DHRSX: variants seen among roughly 807,000 people sequenced by gnomAD.
The protein encoded by DHRSX is dehydrogenase/reductase X-linked.
A neutral mutation model predicts 34.0 loss-of-function variants in DHRSX; 31 were observed. The ratio of observed to expected loss-of-function variants is 0.91; its 90% CI spans 0.69 to 1.23. The LOEUF (loss-of-function observed/expected upper bound fraction) is 1.23. Ranked by LOEUF, DHRSX falls within the 50% of genes most tolerant of loss-of-function variation. The probability of loss-of-function intolerance (pLI) is 0.00; values close to 1 mark genes in which losing one functional copy is unlikely to be tolerated. For missense variants in DHRSX, 414 were observed against 428.1 expected, an observed-to-expected ratio of 0.97 and a Z score of 0.29; for synonymous variants, 201 against 183.8, an observed-to-expected ratio of 1.09 and a Z score of -0.76.
intron 2 of DHRSX, among the ~76,000 whole-genome samples, chrX:2,412,146 G>A (rs1284970591): frequency 2.6e-5 from 4 of 152,184 alleles, no homozygotes; most frequent in South Asian, 2.1e-4. Flanking sequence ...CAGAAACACC[G>A]CACACGTCCC....
chrX:2,465,809 C>CAAAAAAAAAAAAAAAAAAAAA (rs375728172), intron 1 of DHRSX, among the ~76,000 whole-genome samples: 20 of 84,708 alleles, frequency 2.4e-4, no homozygotes, highest in African/African-American at 5.4e-4. Flanking sequence ...AACTCCATCG[C>CAAAAAAAAAAAAAAAAAAAAA]AAAAAAAAAA....
At chrX:2,440,601 C>G (rs2044050769) in intron 1 of DHRSX, among the ~76,000 whole-genome samples, 3 of 151,952 alleles carry the variant, frequency 2.0e-5, no homozygotes, top group African/African-American at 7.2e-5. Flanking sequence ...GATCTCTAGC[C>G]TTCATCTTTC....
intron 3 of DHRSX, among the ~76,000 whole-genome samples, chrX:2,324,777 T>C (rs2042357250): frequency 6.7e-6 from 1 of 150,054 alleles, no homozygotes; most frequent in East Asian, 1.9e-4. Flanking sequence ...TTCTTTTTTT[T>C]TTTTTTTTTG....
intron 3 of DHRSX, among the ~76,000 whole-genome samples, chrX:2,338,970 C>T (rs753054586): frequency 2.6e-5 from 4 of 151,948 alleles, no homozygotes; most frequent in Admixed American, 1.3e-4. Context: ...CAGAAACTTC[C>T]GGAAGCTGGT....
intron 1 of DHRSX, among the ~76,000 whole-genome samples, chrX:2,433,753 G>A (rs111746892): frequency 7.9e-5 from 12 of 151,968 alleles, no homozygotes; most frequent in Non-Finnish European, 1.2e-4. Flanking sequence ...TTATGGCTGC[G>A]TAGTATTCCA....
intron 3 of DHRSX, among the ~76,000 whole-genome samples, chrX:2,377,258 T>C (rs1378876319): frequency 6.6e-6 from 1 of 151,828 alleles, no homozygotes; most frequent in East Asian, 1.9e-4. Flanking sequence ...TGATGATACG[T>C]TAAATGAAGT....
intron 3 of DHRSX, among the ~76,000 whole-genome samples, chrX:2,303,213 A>G (rs1207834615): frequency 6.6e-6 from 1 of 152,194 alleles, no homozygotes; most frequent in African/African-American, 2.4e-5. Context: ...CATGAACATC[A>G]GCATTCTATT....
intron 3 of DHRSX, among the ~76,000 whole-genome samples, chrX:2,318,572 A>G (rs777248629): frequency 4.2e-4 from 64 of 152,148 alleles, no homozygotes; most frequent in Non-Finnish European, 4.4e-4. Flanking sequence ...CTGCTAAAAG[A>G]CACTTCCATC....
intron 5 of DHRSX, among the ~76,000 whole-genome samples, chrX:2,264,302 C>A (rs1240024565): frequency 3.1e-4 from 47 of 151,470 alleles, no homozygotes; most frequent in African/African-American, 1.1e-3. Flanking sequence ...CTCTACCCAG[C>A]AGACTCAGGG....
At chrX:2,420,554 C>T (rs1238309274) in intron 2 of DHRSX, among the ~76,000 whole-genome samples, 1 of 151,714 alleles carries the variant, frequency 6.6e-6, no homozygotes, top group Non-Finnish European at 1.5e-5. Context: ...ACCATCTTGG[C>T]CAACATGGTG....
chrX:2,395,996 G>A (rs1269461898), intron 3 of DHRSX, among the ~76,000 whole-genome samples: 2 of 152,108 alleles, frequency 1.3e-5, no homozygotes, highest in Non-Finnish European at 2.9e-5. Flanking sequence ...CCAAAAGTCT[G>A]AGATCAGGTG....
intron 6 of DHRSX, among the ~76,000 whole-genome samples, chrX:2,222,995 C>A (rs1423520355): frequency 6.6e-6 from 1 of 152,142 alleles, no homozygotes; most frequent in South Asian, 2.1e-4. Context: ...CTCTGCTCTT[C>A]TGCTGCCTAA....
chrX:2,225,006 TCA>T (rs372591070), intron 6 of DHRSX, among the ~76,000 whole-genome samples: 126 of 144,846 alleles, frequency 8.7e-4, no homozygotes, highest in African/African-American at 2.7e-3. Context: ...ACACACATGC[TCA>T]CACTCATTCA....
chrX:2,393,287 T>A (rs751477183), intron 3 of DHRSX, among the ~76,000 whole-genome samples: 1 of 152,176 alleles, frequency 6.6e-6, no homozygotes, highest in East Asian at 1.9e-4. Context: ...ACTATAAATG[T>A]CTAGACATTG....
chrX:2,258,228 G>A (rs759992234), intron 5 of DHRSX, among the ~76,000 whole-genome samples: 25 of 151,742 alleles, frequency 1.6e-4, no homozygotes, highest in African/African-American at 5.6e-4. Flanking sequence ...GCCTGAGATG[G>A]AGTAAGGCAT....
rs188164454 is a variant in DHRSX at position 2,294,761 on chromosome X, A to G, written c.287-3158T>C. Among the ~76,000 whole-genome samples, 44 of 151,430 alleles carry G rather than the reference A, an allele frequency of 2.9e-4. No homozygotes were observed. The East Asian group carries it at 8.4e-3, about 29-fold the overall frequency. ...GAGAAAAGAAGACAAAGAGAGAGAC[A>G]GAGAAAGAGAGAGAGAGAGAGGAAA... is the stretch of plus-strand genomic sequence containing the variant. On this transcript the variant is annotated intron_variant, in intron 3 of 6. Coordinates refer to ENST00000334651, the MANE Select transcript of DHRSX (RefSeq NM_145177.3).
intron 6 of DHRSX, among the ~76,000 whole-genome samples, chrX:2,229,476 G>T (rs1367253434): frequency 1.3e-5 from 2 of 151,990 alleles, no homozygotes; most frequent in East Asian, 3.9e-4. Flanking sequence ...TGCTCCTTCT[G>T]GAATGTTCTG....
intron 1 of DHRSX, among the ~76,000 whole-genome samples, chrX:2,470,465 T>TGGGA (rs201563178): frequency 0.02 from 2,988 of 152,004 alleles, 43 homozygotes; most frequent in South Asian, 0.12. Context: ...CCCAGCTACT[T>TGGGA]GGGAGGCTGA....
chrX:2,445,265 G>C (rs373013320), intron 1 of DHRSX, among the ~76,000 whole-genome samples: 6 of 152,122 alleles, frequency 3.9e-5, no homozygotes, highest in African/African-American at 1.2e-4. Flanking sequence ...TTGCATGTCA[G>C]AAAAAGGAAA....
Sources: allele counts gnomAD v4.1 joint callset (sites outside exome capture counted in the v4.1 genomes callset), GRCh38; gene constraint gnomAD v4.1.1; transcripts MANE v1.5; gene names NCBI Gene and HGNC (gene_info 2026-07-23, HGNC 2026-07-21).